The following NDST3 variants were observed in gnomAD, a reference collection of about 807,000 sequenced individuals.
The protein encoded by NDST3 is N-deacetylase and N-sulfotransferase 3.
In NDST3, 58 loss-of-function variants were observed where a neutral mutation model predicts 96.1. The ratio of observed to expected loss-of-function variants is 0.60; its 90% confidence interval spans 0.49 to 0.75. The LOEUF (loss-of-function observed/expected upper bound fraction) is 0.75. NDST3 is among the 30% of genes least tolerant of loss of function. NDST3 has a pLI of 0.00. For missense variants in NDST3, 788 were observed against 1,034.2 expected, an observed-to-expected ratio of 0.76 and a Z score of 3.27; for synonymous variants, 333 against 359.7, an observed-to-expected ratio of 0.93 and a Z score of 0.84.
At chr4:118,040,253 T>G (rs943941491) in intron 1 of NDST3, among the ~76,000 whole-genome samples, 3 of 152,234 alleles carry the variant, frequency 2.0e-5, no homozygotes, top group African/African-American at 7.2e-5. Flanking sequence ...TTATATCAAG[T>G]TGATAGTTCA....
intron 2 of NDST3, among the ~76,000 whole-genome samples, chr4:118,093,606 GTTCT>G (rs900282125): frequency 6.6e-6 from 1 of 151,688 alleles, no homozygotes; most frequent in African/African-American, 2.4e-5. Context: ...CTTCCATTAA[GTTCT>G]TTAACATCTT....
At chr4:118,134,916 T>G (rs1245692748) in intron 4 of NDST3, among the ~76,000 whole-genome samples, 1 of 152,208 alleles carries the variant, frequency 6.6e-6, no homozygotes, top group Non-Finnish European at 1.5e-5. Context: ...AATTAACTTT[T>G]AAGGTAGACT....
intron 6 of NDST3, among the ~76,000 whole-genome samples, chr4:118,214,399 TA>T (rs1376255294): frequency 2.6e-5 from 4 of 152,198 alleles, no homozygotes; most frequent in Non-Finnish European, 5.9e-5. Context: ...ACTTCATATT[TA>T]AAAATGAGAA....
intron 6 of NDST3, among the ~76,000 whole-genome samples, chr4:118,205,609 A>T (rs1738386752): frequency 6.9e-6 from 1 of 144,420 alleles, no homozygotes; most frequent in South Asian, 2.3e-4. Flanking sequence ...TCAAGATATT[A>T]GTCATTTCTT....
At chr4:118,101,144 C>T (rs2389527) in intron 2 of NDST3, among the ~76,000 whole-genome samples, 114,396 of 151,840 alleles carry the variant, frequency 0.75, 45,721 homozygotes, top group South Asian at 0.92. Flanking sequence ...GTGTCATCAA[C>T]ACTAACATAA....
intron 1 of NDST3, among the ~76,000 whole-genome samples, chr4:118,051,760 C>A (rs1454300305): frequency 2.0e-5 from 3 of 151,938 alleles, no homozygotes; most frequent in Admixed American, 1.3e-4. Flanking sequence ...AGAAGACATA[C>A]AAGTAGCCAA....
chr4:118,115,105 T>A, intron 4 of NDST3, 145 bp downstream of exon 4: 3 of 792,072 alleles, frequency 3.8e-6, no homozygotes, highest in Non-Finnish European at 6.0e-6. Flanking sequence ...TTTCAGTATG[T>A]GGCTCTTGAG....
intron 2 of NDST3, among the ~76,000 whole-genome samples, chr4:118,082,223 C>T (rs1728081679): frequency 6.6e-6 from 1 of 152,104 alleles, no homozygotes; most frequent in African/African-American, 2.4e-5. Context: ...CTTTTGCTGT[C>T]CATGGATACT....
intron 4 of NDST3, among the ~76,000 whole-genome samples, chr4:118,135,284 G>A (rs1732982430): frequency 6.6e-6 from 1 of 152,138 alleles, no homozygotes; most frequent in Non-Finnish European, 1.5e-5. Flanking sequence ...TGGGGTAGAA[G>A]TCAGAGTTCA....
chr4:118,247,610 G>C (rs1486312298), intron 12 of NDST3, among the ~76,000 whole-genome samples: 1 of 152,108 alleles, frequency 6.6e-6, no homozygotes, highest in Non-Finnish European at 1.5e-5. Context: ...GATGACAGCA[G>C]GGATTGACTG....
chr4:118,038,144 T>C (rs1315771658), intron 1 of NDST3, among the ~76,000 whole-genome samples: 1 of 152,124 alleles, frequency 6.6e-6, no homozygotes, highest in Non-Finnish European at 1.5e-5. Context: ...AAAAGCTGCA[T>C]TGTCAGCACT....
intron 6 of NDST3, among the ~76,000 whole-genome samples, chr4:118,168,228 C>A (rs1735686347): frequency 1.3e-5 from 2 of 151,764 alleles, no homozygotes; most frequent in Admixed American, 6.6e-5. Context: ...TAGCAAAAAA[C>A]AAAAACAAAT....
chr4:118,194,557 G>A (rs1477292287), intron 6 of NDST3: 6 of 729,008 alleles, frequency 8.2e-6, no homozygotes, highest in Non-Finnish European at 1.5e-5. Context: ...TGGGGTCAAA[G>A]TTTGTGCCAT....
intron 4 of NDST3, 142 bp downstream of exon 4, chr4:118,115,102 A>G: frequency 1.2e-6 from 1 of 805,906 alleles, no homozygotes; most frequent in Non-Finnish European, 1.9e-6. Flanking sequence ...GCCTTTCAGT[A>G]TGTGGCTCTT....
chr4:118,175,605 CCT>C (rs1028081264), intron 6 of NDST3, among the ~76,000 whole-genome samples: 2 of 152,054 alleles, frequency 1.3e-5, no homozygotes, highest in African/African-American at 4.8e-5. Context: ...TTACACCTAC[CCT>C]CTCTTATCTC....
intron 2 of NDST3, among the ~76,000 whole-genome samples, chr4:118,072,429 G>A (rs1727157385): frequency 6.6e-6 from 1 of 151,956 alleles, no homozygotes; most frequent in South Asian, 2.1e-4. Context: ...AACTCTCCTT[G>A]TAGAAATCTT....
intron 2 of NDST3, among the ~76,000 whole-genome samples, chr4:118,063,169 A>C (rs1313174250): frequency 7.0e-6 from 1 of 142,100 alleles, no homozygotes; most frequent in African/African-American, 2.6e-5. Context: ...CAGCCCCGGC[A>C]ACAAGAGTGA....
intron 6 of NDST3, among the ~76,000 whole-genome samples, chr4:118,186,838 A>T (rs571870599): frequency 6.6e-6 from 1 of 152,224 alleles, no homozygotes; most frequent in Non-Finnish European, 1.5e-5. Context: ...TCAGCACATC[A>T]TTCATAAGTC....
At position 118,053,875 on chromosome 4, in the gene NDST3, G is replaced by C; in HGVS notation, c.-36G>C. On this transcript the variant is annotated 5_prime_UTR_variant, in exon 2 of 14. Coordinates refer to ENST00000296499, the MANE Select transcript of NDST3 (RefSeq NM_004784.3). ...ATCTTTTCTTTTAACTTTTTATGGTGCTTCTGTTGGCATAGTTGGGGAAAG... is the reference window on the plus strand; with the variant it reads ...ATCTTTTCTTTTAACTTTTTATGGTCCTTCTGTTGGCATAGTTGGGGAAAG... 1 of 1,539,710 alleles carries C rather than the reference G, an allele frequency of 6.5e-7. No individual in the cohort carries two copies. Among genetic ancestry groups the C allele is most frequent in the Non-Finnish European group, 8.7e-7 (1 of 1,146,382 alleles).
Sources: allele counts gnomAD v4.1 joint callset (sites outside exome capture counted in the v4.1 genomes callset), GRCh38; gene constraint gnomAD v4.1.1; transcripts MANE v1.5; gene names NCBI Gene and HGNC (gene_info 2026-07-23, HGNC 2026-07-21).